TENT4A: variants seen among roughly 807,000 people sequenced by gnomAD.
TENT4A encodes terminal nucleotidyltransferase 4A.
A neutral mutation model predicts 72.8 loss-of-function variants in TENT4A; 7 were observed. The observed-to-expected ratio is 0.10, with a 90% CI of 0.05 to 0.18. TENT4A has a LOEUF of 0.18. TENT4A is among the 10% of genes least tolerant of loss of function. The pLI is 1.00. For synonymous variants in TENT4A, 456 were observed against 434.3 expected (o/e 1.05, Z -0.62); for missense variants, 831 against 1,017.7 (o/e 0.82, Z 2.50).
chr5:6,726,703 G>A (rs539103708), intron 1 of TENT4A, among the ~76,000 whole-genome samples: 2 of 152,264 alleles, frequency 1.3e-5, no homozygotes, highest in South Asian at 4.2e-4. Flanking sequence ...ACCCACGTGC[G>A]TTGCCTGTCC....
chr5:6,747,347 C>A (rs1742160534), intron 7 of TENT4A, among the ~76,000 whole-genome samples: 1 of 152,116 alleles, frequency 6.6e-6, no homozygotes, highest in African/African-American at 2.4e-5. Flanking sequence ...GTCGGGGAAG[C>A]CTTTCTTGTC....
In TENT4A at chr5:6,737,675, G is replaced by A. The variant is rs116527147; in HGVS notation, c.840+42G>A. 7.8e-4 allele frequency: 1,238 copies of A among 1,595,458 alleles called. 8 individuals carry two copies. The African/African-American group carries it at 0.011, about 14-fold the overall frequency. On this transcript the variant is annotated intron_variant, in intron 2 of 12. Transcript: ENST00000230859. ...GAGTTCTGTGTCGCACGTCACGTGC[G>A]AGTAAATTTAAATACCCTGTGATGA...
chr5:6,728,373 G>A (rs1304662964), intron 1 of TENT4A, among the ~76,000 whole-genome samples: 1 of 152,234 alleles, frequency 6.6e-6, no homozygotes, highest in Non-Finnish European at 1.5e-5. Flanking sequence ...CCCTGGCAGC[G>A]GTGCCTCTGA....
At chr5:6,718,332 A>T (rs1038086951) in intron 1 of TENT4A, among the ~76,000 whole-genome samples, 5 of 152,178 alleles carry the variant, frequency 3.3e-5, no homozygotes, top group Non-Finnish European at 1.5e-5. Flanking sequence ...CTCTCCCTCT[A>T]GCCTGACCTC....
Position 6,754,916 on chromosome 5 carries a change from G to A in TENT4A, c.2350G>A (p.Asp784Asn). Residue 784 changes from aspartate to asparagine, a missense_variant, in exon 13 of 13, where the codon GAC (aspartate) becomes AAC (asparagine). Coordinates refer to ENST00000230859, the MANE Select transcript of TENT4A (RefSeq NM_006999.6). ...GAGGAAAAAACACACACACACACGG[G>A]ACAGTCTGCCCGTGAGCCTCAGCAG... ...WRRKKHTHTR[D>N]SLPVSLSR 1 of 1,589,084 alleles carries A rather than the reference G, an allele frequency of 6.3e-7. No homozygotes were observed. Among genetic ancestry groups the A allele is most frequent in the Non-Finnish European group, 8.6e-7 (1 of 1,161,548 alleles).
chr5:6,733,973 C>T (rs1290616432), intron 1 of TENT4A, among the ~76,000 whole-genome samples: 1 of 152,228 alleles, frequency 6.6e-6, no homozygotes, highest in Non-Finnish European at 1.5e-5. Context: ...TCAAATTATT[C>T]ATTGCAGAGG....
chr5:6,728,354 A>T (rs1415673222), intron 1 of TENT4A, among the ~76,000 whole-genome samples: 1 of 152,236 alleles, frequency 6.6e-6, no homozygotes, highest in Non-Finnish European at 1.5e-5. Flanking sequence ...AATTCCACTC[A>T]GCACAGCCCC....
intron 1 of TENT4A, among the ~76,000 whole-genome samples, chr5:6,735,927 A>AT (rs1048933954): frequency 6.6e-6 from 1 of 151,806 alleles, no homozygotes; most frequent in Non-Finnish European, 1.5e-5. Flanking sequence ...CGCCTGGCTA[A>AT]TTTTTTTCTA....
chr5:6,739,585 A>T (rs552678434), intron 3 of TENT4A, 147 bp from the exon 4 acceptor site: 266 of 823,932 alleles, frequency 3.2e-4, no homozygotes, highest in Non-Finnish European at 2.6e-5. Context: ...ACTGCACTTC[A>T]CCTCCTTAGG....
At chr5:6,739,965 C>T (rs1741713067) in intron 4 of TENT4A, 113 bp downstream of exon 4, 15 of 1,055,638 alleles carry the variant, frequency 1.4e-5, no homozygotes, top group Non-Finnish European at 1.4e-6. Context: ...TTATTGGCTA[C>T]AGTTTTGAAG....
chr5:6,720,598 C>T lies in TENT4A; in HGVS notation c.716+5899C>T, dbSNP rs540381556. ...GGCAGAGGCAGGAGAATCCTTTGAACTGGAGAGTTGGAGGTTGCAGTGAGC... is the reference window on the plus strand; with the variant it reads ...GGCAGAGGCAGGAGAATCCTTTGAATTGGAGAGTTGGAGGTTGCAGTGAGC... On this transcript the variant is annotated intron_variant, in intron 1 of 12. Coordinates refer to ENST00000230859, the MANE Select transcript of TENT4A (RefSeq NM_006999.6). 3.3e-5 allele frequency among the ~76,000 whole-genome samples: 5 copies of T among 151,872 alleles called. No homozygotes were observed. The East Asian group carries it at 9.7e-4, about 29-fold the overall frequency.
chr5:6,724,638 G>A (rs1439748820), intron 1 of TENT4A, among the ~76,000 whole-genome samples: 1 of 152,172 alleles, frequency 6.6e-6, no homozygotes, highest in Non-Finnish European at 1.5e-5. Flanking sequence ...ATGAACTGAA[G>A]CTTGCAGACT....
intron 10 of TENT4A, 90 bp downstream of exon 10, chr5:6,750,593 G>A (rs751537763): frequency 3.1e-6 from 4 of 1,275,626 alleles, no homozygotes; most frequent in Non-Finnish European, 4.3e-6. Context: ...CTCCCCCTTG[G>A]TTTTGCTCAG....
rs1742656038 is a variant in TENT4A, at chr5:6,755,692, C to T, written c.*747C>T. On this transcript the variant is annotated 3_prime_UTR_variant, in exon 13 of 13. Coordinates refer to ENST00000230859, the MANE Select transcript of TENT4A (RefSeq NM_006999.6). ...GGAGCCAGGTCGCCCTGAAGGTTTT[C>T]CAAAGGGCTTGGCTCCAGAGCCACC... 1 of 152,356 alleles carries T rather than the reference C, an allele frequency of 6.6e-6. No individual in the cohort carries two copies. The highest frequency in any genetic ancestry group is 2.1e-4 in the South Asian group (1 of 4,838). 9.4% of individuals were successfully genotyped at this position (152,356 alleles called of 1,614,324 possible).
intron 10 of TENT4A, 36 bp downstream of exon 10, chr5:6,750,539 C>G: frequency 6.6e-7 from 1 of 1,504,416 alleles, no homozygotes; most frequent in Non-Finnish European, 8.9e-7. Context: ...GTCTGTTGGA[C>G]AGTTTGTGTC....
intron 1 of TENT4A, among the ~76,000 whole-genome samples, chr5:6,716,139 C>T (rs1478214208): frequency 6.6e-6 from 1 of 152,182 alleles, no homozygotes; most frequent in Non-Finnish European, 1.5e-5. Flanking sequence ...AGGTCCCATG[C>T]ACCTCACTTG....
rs766595676 is a variant in TENT4A, at chr5:6,738,668, C to T, written c.841-15C>T. On this transcript the variant is annotated splice_polypyrimidine_tract_variant and intron_variant, in intron 2 of 12. Transcript: ENST00000230859. The stretch of plus-strand genomic sequence containing the variant: ...TTTGTGGTATACATTTTAAGGCAAC[C>T]ACTCTTTCTTTCAGGTACAGATATT... The T allele has an allele frequency of 1.2e-6, 2 of 1,607,250 alleles. No homozygotes were observed. Among genetic ancestry groups the T allele is most frequent in the African/African-American group, 2.7e-5 (2 of 74,742 alleles).
At chr5:6,741,749 C>T (rs543164251) in intron 4 of TENT4A, among the ~76,000 whole-genome samples, 5 of 152,330 alleles carry the variant, frequency 3.3e-5, no homozygotes, top group Admixed American at 6.5e-5. Flanking sequence ...ACTGTCCCTA[C>T]GTTGCCTATC....
Position 6,739,821 on chromosome 5 carries a change from C to T in TENT4A, c.977C>T (p.Pro326Leu), listed in dbSNP as rs1741706087. The change falls in exon 4 of 13, where the codon CCG becomes CTG. Residue 326 changes from proline (P) to leucine (L), a missense_variant. Transcript: ENST00000230859. ...QALRKHNVAE[P>L]CSIKVLDKAT... The stretch of plus-strand genomic sequence containing the variant: ...CTGCGGAAGCACAACGTGGCTGAGC[C>T]GTGTTCCATCAAAGTCCTTGACAAG... 2.5e-6 allele frequency: 4 copies of T among 1,614,196 alleles called. No individual in the cohort carries two copies. The highest frequency in any genetic ancestry group is 2.5e-6 in the Non-Finnish European group (3 of 1,180,008).
Sources: allele counts gnomAD v4.1 joint callset (sites outside exome capture counted in the v4.1 genomes callset), GRCh38; gene constraint gnomAD v4.1.1; transcripts MANE v1.5; gene names NCBI Gene and HGNC (gene_info 2026-07-23, HGNC 2026-07-21).